Variants in ILDR2 observed in about 807,000 individuals in gnomAD.
ILDR2 encodes the protein immunoglobulin like domain containing receptor 2.
Under a neutral mutation model 66.8 loss-of-function variants are expected in ILDR2, and 25 were observed. The ratio of observed to expected loss-of-function variants is 0.37; its 90% CI spans 0.27 to 0.52. The LOEUF (loss-of-function observed/expected upper bound fraction) is 0.52. Ranked by LOEUF, ILDR2 falls within the 20% of genes least tolerant of loss-of-function variation. ILDR2 has a pLI of 0.88. For synonymous variants in ILDR2, 367 were observed against 357.2 expected (o/e 1.03, Z -0.31); for missense variants, 827 against 876.8 (o/e 0.94, Z 0.72).
chr1:166,929,687 CACATTGTAG>C (rs1660517986), intron 6 of ILDR2, among the ~76,000 whole-genome samples: 1 of 152,082 alleles, frequency 6.6e-6, no homozygotes, highest in South Asian at 2.1e-4. Context: ...TAGAGCCTGG[CACATTGTAG>C]ACATTTGAAA....
chr1:166,919,418 T>C, intron 9 of ILDR2, 28 bp from the exon 10 acceptor site: 1 of 1,592,758 alleles, frequency 6.3e-7, no homozygotes, highest in Middle Eastern at 1.7e-4. Context: ...GAGCCCAACA[T>C]TAAGCCACAT....
chr1:166,898,345 T>A (rs1463123452), intron 2 of ILDR2, among the ~76,000 whole-genome samples: 1 of 152,202 alleles, frequency 6.6e-6, no homozygotes, highest in Admixed American at 6.5e-5. Flanking sequence ...GATCCCCACA[T>A]CCACTTTCCT....
chr1:166,917,919 A>G lies in ILDR2; in HGVS notation c.*1436T>C, dbSNP rs1659706040. 6.6e-6 allele frequency: 1 copy of G among 152,196 alleles called. No individual in the cohort carries two copies. Among genetic ancestry groups the G allele is most frequent in the Non-Finnish European group, 1.5e-5 (1 of 68,048 alleles). 9.4% of individuals were successfully genotyped at this position (152,196 alleles called of 1,614,324 possible). ...ACCTGATGGTAGTTGCAAGGTTCCC[A>G]AGAGCAGCAAAAGAGGACAAGCCCC... On this transcript the variant is annotated 3_prime_UTR_variant, in exon 10 of 10. Coordinates refer to ENST00000271417, the MANE Select transcript of ILDR2 (RefSeq NM_199351.3).
intron 6 of ILDR2, chr1:166,933,395 CAG>C (rs775975352): frequency 1.5e-4 from 25 of 172,158 alleles, no homozygotes; most frequent in Non-Finnish European, 2.2e-4. Context: ...CTGAGGAGGA[CAG>C]AGGATGTGCT....
chr1:166,919,575 C>T (rs1288237053), intron 9 of ILDR2, among the ~76,000 whole-genome samples, 185 bp from the exon 10 acceptor site: 1 of 152,212 alleles, frequency 6.6e-6, no homozygotes, highest in Non-Finnish European at 1.5e-5. Context: ...AGCCAGCATA[C>T]ATCTGATAGG....
chr1:166,923,883 T>C (rs371928985), intron 7 of ILDR2, among the ~76,000 whole-genome samples: 3 of 152,392 alleles, frequency 2.0e-5, no homozygotes, highest in African/African-American at 7.2e-5. Flanking sequence ...TAAAGTCCTT[T>C]AATTAGAACT....
At chr1:166,943,378 G>T (rs1661424973) in intron 3 of ILDR2, among the ~76,000 whole-genome samples, 1 of 151,268 alleles carries the variant, frequency 6.6e-6, no homozygotes, top group Admixed American at 6.6e-5. Context: ...TGTAGTCCCA[G>T]CTACTCGGGA....
chr1:166,926,268 G>A (rs995147214), intron 7 of ILDR2, among the ~76,000 whole-genome samples: 1 of 152,102 alleles, frequency 6.6e-6, no homozygotes, highest in Non-Finnish European at 1.5e-5. Context: ...GCCTGTCCAT[G>A]TGGGACCTGC....
In ILDR2 at chr1:166,936,840, C is replaced by G; in HGVS notation, c.557-103G>C. The G allele has an allele frequency of 8.8e-7, 1 of 1,132,082 alleles. No homozygotes were observed. The highest frequency in any genetic ancestry group is 1.3e-6 in the Non-Finnish European group (1 of 777,484). The allele number at this position is 1,132,082 out of a possible 1,614,324, so 70.1% of individuals were successfully genotyped here. On this transcript the variant is annotated intron_variant, in intron 4 of 9. Transcript: ENST00000271417. This position sits in a 1 kb window ranked among gnomAD's most constrained non-coding sequence, Gnocchi z 5.0. ...GGTGAAAGGGGGAGAGGAGGAGGGA[C>G]CTAGGGAAGAAAGCTTCTCTTAACA...
intron 3 of ILDR2, among the ~76,000 whole-genome samples, chr1:166,942,720 G>C (rs192995188): frequency 2.4e-3 from 371 of 152,250 alleles, no homozygotes; most frequent in Non-Finnish European, 3.8e-3. Context: ...TCCACACACA[G>C]AATAACAGTA....
chr1:166,901,103 G>C (rs1169477930), intron 2 of ILDR2, among the ~76,000 whole-genome samples: 1 of 152,126 alleles, frequency 6.6e-6, no homozygotes, highest in East Asian at 1.9e-4. Context: ...TCCATTTTTA[G>C]CAATCAGAGT....
chr1:166,933,614 TA>T, intron 6 of ILDR2: 1 of 833,412 alleles, frequency 1.2e-6, no homozygotes, highest in African/African-American at 1.8e-5. Context: ...TGACAGAGAG[TA>T]AGTATTTGCT....
rs940280950 is a variant in ILDR2, at chr1:166,913,511, T to C, written c.*5844A>G. The C allele has an allele frequency of 6.6e-6, 1 of 152,212 alleles. No homozygotes were observed. Among genetic ancestry groups the C allele is most frequent in the Admixed American group, 6.5e-5 (1 of 15,286 alleles). The allele number at this position is 152,212 out of a possible 1,614,324, so 9.4% of individuals were successfully genotyped here. ...AAAAGAGAAGCTATCTGTGTCTCTTTTAGCCTTCCCAGAAGAAATGAGTCA... is the reference window on the plus strand; with the variant it reads ...AAAAGAGAAGCTATCTGTGTCTCTTCTAGCCTTCCCAGAAGAAATGAGTCA... On this transcript the variant is annotated 3_prime_UTR_variant, in exon 10 of 10. Transcript: ENST00000271417.
At position 166,939,556 on chromosome 1, in the gene ILDR2, G is replaced by C; in HGVS notation, c.514C>G (p.Leu172Val). 1.2e-6 allele frequency: 2 copies of C among 1,613,950 alleles called. No individual in the cohort carries two copies. Among genetic ancestry groups the C allele is most frequent in the South Asian group, 2.2e-5 (2 of 91,070 alleles). The change falls in exon 4 of 10, where the codon CTT (leucine) becomes GTT (valine). Residue 172 changes from leucine (L) to valine (V), a missense_variant. Leu to Val is a conservative substitution (Grantham distance 32). This residue lies in a region of ILDR2 where 437 missense variants were observed against 523.2 expected (regional missense o/e 0.84). Transcript: ENST00000271417. ...GCAAAACTGGGCAAGAGATCAGCAA[G>C]CAGCCCTGTCCTGCCTAGAAGAAGT... is the stretch of plus-strand genomic sequence containing the variant. ...ELLVLGRTGL[L>V]ADLLPSFAVE...
At chr1:166,950,654 G>C (rs952311913) in intron 3 of ILDR2, among the ~76,000 whole-genome samples, 1 of 151,890 alleles carries the variant, frequency 6.6e-6, no homozygotes, top group South Asian at 2.1e-4. Flanking sequence ...TTTAATACTA[G>C]TGGATGGAGA....
At chr1:166,907,871 A>G (rs777940684), downstream of ILDR2, among the ~76,000 whole-genome samples, 6 of 152,214 alleles carry the variant, frequency 3.9e-5, no homozygotes, top group Admixed American at 1.3e-4. Flanking sequence ...TAACCATGTT[A>G]GAGAAGGCCG....
At chr1:166,928,379 G>A (rs1660430065) in intron 6 of ILDR2, among the ~76,000 whole-genome samples, 1 of 152,190 alleles carries the variant, frequency 6.6e-6, no homozygotes. Flanking sequence ...TCTAAGAAGA[G>A]AGGTAGTGAG....
chr1:166,944,250 A>G (rs567077651), intron 3 of ILDR2, among the ~76,000 whole-genome samples: 1 of 152,332 alleles, frequency 6.6e-6, no homozygotes, highest in Non-Finnish European at 1.5e-5. Flanking sequence ...CTTTGTACAC[A>G]TTCCTGCAAA....
chr1:166,901,187 T>C (rs1659259202), intron 2 of ILDR2, among the ~76,000 whole-genome samples: 2 of 152,228 alleles, frequency 1.3e-5, no homozygotes, highest in South Asian at 4.1e-4. Flanking sequence ...TAATTGAGCA[T>C]GCCTCAAATG....
Sources: gnomAD v4.1 joint callset for allele counts (sites outside exome capture counted in the v4.1 genomes callset) on GRCh38, gnomAD v4.1.1 for gene constraint, gnomAD v4.1.1 regional missense constraint, Gnocchi (gnomAD v3.1) non-coding constraint, MANE v1.5 for transcripts, NCBI Gene and HGNC (gene_info 2026-07-23, HGNC 2026-07-21) for gene names.